Variants in EXOC4 observed in about 807,000 individuals in gnomAD.
EXOC4 encodes the protein exocyst complex component 4, also known as SEC8-like 1.
In EXOC4, 71 loss-of-function variants were observed where a neutral mutation model predicts 107.2. The observed-to-expected ratio is 0.66, with a 90% confidence interval of 0.55 to 0.81. The LOEUF (loss-of-function observed/expected upper bound fraction) is 0.81, where lower values mean the gene tolerates loss of function less well. Ranked by LOEUF, EXOC4 falls within the 30% of genes least tolerant of loss-of-function variation. The probability of loss-of-function intolerance (pLI) is 0.00; values close to 1 mark genes in which losing one functional copy is unlikely to be tolerated. For synonymous variants in EXOC4, 456 were observed against 441.2 expected (o/e 1.03, Z -0.42); for missense variants, 1,108 against 1,189.6 (o/e 0.93, Z 1.01).
chr7:133,922,431 A>G (rs1799956180), intron 13 of EXOC4, among the ~76,000 whole-genome samples: 2 of 152,116 alleles, frequency 1.3e-5, no homozygotes, highest in African/African-American at 4.8e-5. Context: ...ATTTATTTTT[A>G]TGACTGGCTT....
intron 14 of EXOC4, among the ~76,000 whole-genome samples, chr7:133,952,028 C>T (rs948070695): frequency 5.3e-5 from 8 of 152,084 alleles, no homozygotes; most frequent in African/African-American, 1.2e-4. Context: ...TGGTGGCAGG[C>T]ACCTGTAATC....
intron 1 of EXOC4, among the ~76,000 whole-genome samples, chr7:133,269,609 T>G (rs748586263): frequency 5.9e-5 from 9 of 152,228 alleles, no homozygotes; most frequent in Admixed American, 2.0e-4. Context: ...ATTTCTGCAT[T>G]TAGTTTTAAA....
intron 15 of EXOC4, among the ~76,000 whole-genome samples, chr7:133,998,319 T>G (rs1794443623): frequency 6.6e-6 from 1 of 152,196 alleles, no homozygotes; most frequent in African/African-American, 2.4e-5. Flanking sequence ...GCTTGGTAGC[T>G]ACATGTGCCC....
chr7:133,568,754 C>T (rs1013088411), intron 9 of EXOC4, among the ~76,000 whole-genome samples: 3 of 152,058 alleles, frequency 2.0e-5, no homozygotes, highest in African/African-American at 7.2e-5. Flanking sequence ...AATGCATAGA[C>T]AGGAATGATT....
At chr7:134,002,039 C>T (rs1794541484) in intron 15 of EXOC4, among the ~76,000 whole-genome samples, 2 of 152,210 alleles carry the variant, frequency 1.3e-5, no homozygotes, top group Non-Finnish European at 2.9e-5. Context: ...GTGTGCTAGT[C>T]ATGAATCCCA....
At chr7:133,553,247 G>T (rs780378767) in intron 9 of EXOC4, among the ~76,000 whole-genome samples, 11 of 152,122 alleles carry the variant, frequency 7.2e-5, no homozygotes, top group Non-Finnish European at 1.5e-4. Flanking sequence ...TGTAATTTAC[G>T]TCTTATTTTA....
chr7:133,589,933 G>A (rs1234675820), intron 9 of EXOC4, among the ~76,000 whole-genome samples: 3 of 152,086 alleles, frequency 2.0e-5, no homozygotes, highest in Admixed American at 2.0e-4. Context: ...CCAAGTTATT[G>A]TCTCACGACC....
intron 5 of EXOC4, among the ~76,000 whole-genome samples, chr7:133,326,684 G>A (rs545477846): frequency 8.5e-5 from 13 of 152,314 alleles, no homozygotes; most frequent in South Asian, 2.1e-4. Flanking sequence ...CAGTCTGTCC[G>A]TTCTCAGATC....
rs942718490 is a variant in EXOC4 at position 133,508,056 on chromosome 7, C to T, written c.1417+27918C>T. Reference sequence around the variant, plus strand: ...AGCCTGGGCAACAAGAGCAAAACTCCGTCTCAAAAAAAAGAAAAGAAAAGA... The same window carrying T: ...AGCCTGGGCAACAAGAGCAAAACTCTGTCTCAAAAAAAAGAAAAGAAAAGA... On this transcript the variant is annotated intron_variant, in intron 9 of 17. Transcript: ENST00000253861. Among the ~76,000 whole-genome samples the T allele has an allele frequency of 3.3e-5, 5 of 150,554 alleles. No individual in the cohort carries two copies. The East Asian group carries it at 5.8e-4, about 17-fold the overall frequency.
intron 9 of EXOC4, among the ~76,000 whole-genome samples, chr7:133,581,736 C>T (rs904502912): frequency 3.6e-5 from 4 of 112,650 alleles, no homozygotes; most frequent in Admixed American, 1.2e-4. Flanking sequence ...CCAGCTTGGG[C>T]GAAAGAGTGA....
chr7:133,357,472 T>C (rs1350651399), intron 6 of EXOC4, among the ~76,000 whole-genome samples: 1 of 152,216 alleles, frequency 6.6e-6, no homozygotes, highest in Non-Finnish European at 1.5e-5. Flanking sequence ...TTTAAAACAA[T>C]AAGATTTGAA....
intron 9 of EXOC4, among the ~76,000 whole-genome samples, chr7:133,484,753 A>G (rs1799234830): frequency 6.6e-6 from 1 of 152,246 alleles, no homozygotes; most frequent in Non-Finnish European, 1.5e-5. Context: ...TAGATTAGCA[A>G]TGTTGATTTA....
chr7:133,609,771 C>A (rs911250136), intron 9 of EXOC4, among the ~76,000 whole-genome samples: 27 of 152,208 alleles, frequency 1.8e-4, no homozygotes, highest in African/African-American at 6.0e-4. Context: ...TGGTGCACAT[C>A]TCTTCCCACT....
intron 1 of EXOC4, among the ~76,000 whole-genome samples, chr7:133,271,535 G>A (rs1455957341): frequency 1.3e-5 from 2 of 152,172 alleles, no homozygotes; most frequent in East Asian, 1.9e-4. Flanking sequence ...AGCAAACAGC[G>A]TTGGAAGATA....
intron 10 of EXOC4, among the ~76,000 whole-genome samples, chr7:133,654,695 G>A (rs750138892): frequency 6.6e-6 from 1 of 152,060 alleles, no homozygotes; most frequent in Non-Finnish European, 1.5e-5. Flanking sequence ...ATAAAATATA[G>A]TCACACATCA....
chr7:133,647,914 C>T (rs555318877), intron 10 of EXOC4, among the ~76,000 whole-genome samples: 10 of 152,072 alleles, frequency 6.6e-5, no homozygotes, highest in Non-Finnish European at 1.2e-4. Flanking sequence ...CCAGATAGTT[C>T]CCAGGCCAGG....
At chr7:133,868,099 C>A (rs951203484) in intron 11 of EXOC4, among the ~76,000 whole-genome samples, 3 of 152,072 alleles carry the variant, frequency 2.0e-5, no homozygotes, top group Non-Finnish European at 4.4e-5. Flanking sequence ...CAAAGAGATC[C>A]TTTTTATTTT....
At chr7:133,395,694 T>G (rs1363071168) in intron 7 of EXOC4, among the ~76,000 whole-genome samples, 1 of 152,066 alleles carries the variant, frequency 6.6e-6, no homozygotes, top group East Asian at 1.9e-4. Flanking sequence ...ACACACACAC[T>G]GTATTTAGAA....
intron 4 of EXOC4, among the ~76,000 whole-genome samples, chr7:133,310,422 C>T (rs940553661): frequency 2.0e-5 from 3 of 152,148 alleles, no homozygotes; most frequent in African/African-American, 7.2e-5. Context: ...AACATTGTGT[C>T]CTTCAAGGTC....
Sources: allele counts gnomAD v4.1 joint callset (sites outside exome capture counted in the v4.1 genomes callset), GRCh38; gene constraint gnomAD v4.1.1; transcripts MANE v1.5; gene names NCBI Gene and HGNC (gene_info 2026-07-23, HGNC 2026-07-21).